NMU: variants seen among roughly 807,000 people sequenced by gnomAD.
NMU encodes neuromedin-U.
In NMU, 29 loss-of-function variants were observed where a neutral mutation model predicts 35.4. That is an observed-to-expected ratio of 0.82 (90% CI 0.61 to 1.12). The LOEUF is 1.12. NMU is among the 50% of genes most tolerant of loss of function. NMU has a pLI of 0.00. For missense variants in NMU, 199 were observed against 206.2 expected, an observed-to-expected ratio of 0.97 and a Z score of 0.21; for synonymous variants, 78 against 81.3, an observed-to-expected ratio of 0.96 and a Z score of 0.22.
chr4:55,619,275 T>G (rs1734267335), intron 2 of NMU, among the ~76,000 whole-genome samples: 1 of 146,036 alleles, frequency 6.8e-6, no homozygotes, highest in Non-Finnish European at 1.5e-5. Context: ...CACTAGGGAG[T>G]GCCAGACAGT....
intron 1 of NMU, among the ~76,000 whole-genome samples, chr4:55,632,428 AT>A (rs142491766): frequency 0.014 from 2,064 of 152,330 alleles, 51 homozygotes; most frequent in African/African-American, 0.046. Context: ...GAAATAACTT[AT>A]AAAGGTCATG....
At chr4:55,631,407 A>C (rs1209764517) in intron 1 of NMU, among the ~76,000 whole-genome samples, 2 of 152,224 alleles carry the variant, frequency 1.3e-5, no homozygotes, top group Non-Finnish European at 2.9e-5. Context: ...GTAGGAGAAA[A>C]TATTTGCAAA....
At chr4:55,628,393 G>T (rs1042834760) in intron 2 of NMU, among the ~76,000 whole-genome samples, 1 of 151,908 alleles carries the variant, frequency 6.6e-6, no homozygotes, top group South Asian at 2.1e-4. Flanking sequence ...TTTGAAATCA[G>T]TACTACCAGC....
intron 1 of NMU, among the ~76,000 whole-genome samples, chr4:55,633,243 T>G (rs372485287): frequency 1.1e-3 from 166 of 151,136 alleles, no homozygotes; most frequent in African/African-American, 3.9e-3. Flanking sequence ...GAGAATGGCA[T>G]GAACCCGGGA....
chr4:55,619,866 C>T (rs761432394), intron 2 of NMU, among the ~76,000 whole-genome samples: 13 of 131,280 alleles, frequency 9.9e-5, no homozygotes, highest in East Asian at 2.3e-4. Context: ...CCCTGACCCC[C>T]GAGCAGCCTA....
At chr4:55,598,237 A>T (rs1733279716) in intron 9 of NMU, among the ~76,000 whole-genome samples, 1 of 151,960 alleles carries the variant, frequency 6.6e-6, no homozygotes, top group African/African-American at 2.4e-5. Context: ...GACTACAGGC[A>T]TGCACCACCA....
chr4:55,602,492 A>AT (rs1295387877), intron 7 of NMU, among the ~76,000 whole-genome samples: 1 of 152,186 alleles, frequency 6.6e-6, no homozygotes, highest in Non-Finnish European at 1.5e-5. Context: ...AATTCAGTCA[A>AT]TGTACTAAAC....
At chr4:55,610,182 G>A (rs773907506) in intron 3 of NMU, among the ~76,000 whole-genome samples, 4 of 152,174 alleles carry the variant, frequency 2.6e-5, no homozygotes, top group Non-Finnish European at 5.9e-5. Context: ...TGAAAAAGAG[G>A]TCGGGTGCAG....
chr4:55,599,864 TA>T (rs1247102601), intron 8 of NMU, among the ~76,000 whole-genome samples: 1 of 152,194 alleles, frequency 6.6e-6, no homozygotes, highest in Non-Finnish European at 1.5e-5. Flanking sequence ...TGAGCCTATC[TA>T]AATTCCTAGA....
At chr4:55,636,419 G>T, upstream of NMU, 1 of 566,190 alleles carries the variant, frequency 1.8e-6, no homozygotes, top group Non-Finnish European at 2.8e-6. This position sits in a 1 kb window ranked among gnomAD's most constrained non-coding sequence, Gnocchi z 4.0. Context: ...ACCCCGCCCC[G>T]CTGCCTGCCC....
chr4:55,635,924 T>A (rs1715889342), intron 1 of NMU, among the ~76,000 whole-genome samples, 157 bp downstream of exon 1: 1 of 152,198 alleles, frequency 6.6e-6, no homozygotes, highest in Non-Finnish European at 1.5e-5. Flanking sequence ...GGAGGCGACC[T>A]GTGCCTGGGA....
At chr4:55,627,606 T>C (rs905103191) in intron 2 of NMU, among the ~76,000 whole-genome samples, 5 of 152,326 alleles carry the variant, frequency 3.3e-5, no homozygotes, top group Non-Finnish European at 7.4e-5. Context: ...TTTTGGTTAA[T>C]TTCTAAATAC....
rs148143941 is a variant in NMU at position 55,603,130 on chromosome 4, T to C, written c.435+2145A>G. ...CTCCTGCCTCAGCCTGCCAAATAGCTGGGATTACAGGTGCCGCCACCATGC... is the reference window on the plus strand; with the variant it reads ...CTCCTGCCTCAGCCTGCCAAATAGCCGGGATTACAGGTGCCGCCACCATGC... On this transcript the variant is annotated intron_variant, in intron 7 of 9. Transcript: ENST00000264218. 1.3e-3 allele frequency among the ~76,000 whole-genome samples: 203 copies of C among 152,154 alleles called. 3 individuals are homozygous for C. The East Asian group carries it at 0.031, about 23-fold the overall frequency.
chr4:55,609,616 C>T (rs1239844869), intron 3 of NMU, among the ~76,000 whole-genome samples: 3 of 152,134 alleles, frequency 2.0e-5, no homozygotes, highest in Admixed American at 1.3e-4. Flanking sequence ...TTTGAAAATC[C>T]TGCAATTGCT....
intron 1 of NMU, among the ~76,000 whole-genome samples, 167 bp from the exon 2 acceptor site, chr4:55,630,627 A>G (rs2110213148): frequency 6.6e-6 from 1 of 152,302 alleles, no homozygotes; most frequent in South Asian, 2.1e-4. Flanking sequence ...CATAATTACT[A>G]AATAAACCTT....
chr4:55,608,474 C>T (rs1733794405), intron 4 of NMU, among the ~76,000 whole-genome samples: 1 of 152,032 alleles, frequency 6.6e-6, no homozygotes, highest in South Asian at 2.1e-4. Flanking sequence ...GTACCAATCA[C>T]CACAGATTAA....
intron 2 of NMU, among the ~76,000 whole-genome samples, chr4:55,618,521 T>G (rs1479889708): frequency 6.6e-6 from 1 of 152,172 alleles, no homozygotes; most frequent in East Asian, 1.9e-4. Context: ...TTTTTAAATC[T>G]TCAAGCAGAA....
chr4:55,603,906 C>T (rs1343461854), intron 7 of NMU, among the ~76,000 whole-genome samples: 1 of 44,620 alleles, frequency 2.2e-5, no homozygotes, highest in Non-Finnish European at 4.6e-5. Flanking sequence ...AGCAAGAGTC[C>T]GTCTCAAAAA....
intron 9 of NMU, among the ~76,000 whole-genome samples, chr4:55,596,867 C>A (rs1733204656): frequency 6.6e-6 from 1 of 152,198 alleles, no homozygotes; most frequent in East Asian, 1.9e-4. Flanking sequence ...AAGTGTTTCA[C>A]TAACAAGTCA....
Sources: allele counts gnomAD v4.1 joint callset (sites outside exome capture counted in the v4.1 genomes callset), GRCh38; gene constraint gnomAD v4.1.1; non-coding constraint Gnocchi (gnomAD v3.1); transcripts MANE v1.5; gene names NCBI Gene and HGNC (gene_info 2026-07-23, HGNC 2026-07-21).